The following KLHL2 variants were observed in gnomAD, a reference collection of about 807,000 sequenced individuals.
KLHL2 encodes kelch like family member 2.
KLHL2 carries 15 observed loss-of-function variants against 75.8 expected under a neutral mutation model. The observed-to-expected ratio is 0.20, with a 90% CI of 0.13 to 0.30. KLHL2 has a LOEUF of 0.30. Among genes scored for constraint, KLHL2 ranks in the 10% least tolerant of loss-of-function variants. The probability of loss-of-function intolerance (pLI) is 1.00; values close to 1 mark genes in which losing one functional copy is unlikely to be tolerated. For synonymous variants in KLHL2, 214 were observed against 251.9 expected (o/e 0.85, Z 1.42); for missense variants, 381 against 741.0 (o/e 0.51, Z 5.64).
At chr4:165,218,363 TC>T (rs1737700137) in intron 1 of KLHL2, among the ~76,000 whole-genome samples, 1 of 152,166 alleles carries the variant, frequency 6.6e-6, no homozygotes, top group Non-Finnish European at 1.5e-5. Flanking sequence ...GGGTCACAGT[TC>T]CTGGAACATA....
intron 8 of KLHL2, among the ~76,000 whole-genome samples, chr4:165,302,354 T>A (rs1001682613): frequency 5.9e-5 from 9 of 152,262 alleles, no homozygotes; most frequent in East Asian, 3.8e-4. Context: ...TTTCTTATGC[T>A]TATTATTTCA....
intron 2 of KLHL2, among the ~76,000 whole-genome samples, chr4:165,224,770 C>T (rs1465068006): frequency 6.6e-6 from 1 of 152,158 alleles, no homozygotes; most frequent in African/African-American, 2.4e-5. Flanking sequence ...TATTTTGATA[C>T]AGGTTTATAA....
chr4:165,213,933 C>T (rs944085646), intron 1 of KLHL2, among the ~76,000 whole-genome samples: 1 of 152,166 alleles, frequency 6.6e-6, no homozygotes, highest in South Asian at 2.1e-4. Context: ...CTATACAGCT[C>T]CCTGAGATAG....
intron 5 of KLHL2, among the ~76,000 whole-genome samples, chr4:165,287,722 T>C (rs1418922080): frequency 6.6e-6 from 1 of 152,172 alleles, no homozygotes; most frequent in Non-Finnish European, 1.5e-5. Flanking sequence ...TAATATCTCA[T>C]TGTGGTTTTG....
intron 3 of KLHL2, among the ~76,000 whole-genome samples, chr4:165,234,866 G>T (rs1212875751): frequency 6.6e-6 from 1 of 152,022 alleles, no homozygotes; most frequent in Non-Finnish European, 1.5e-5. Context: ...GGGTACGGTG[G>T]CTTATGCCTA....
At chr4:165,253,608 C>CA (rs1250661254) in intron 4 of KLHL2, among the ~76,000 whole-genome samples, 2 of 152,132 alleles carry the variant, frequency 1.3e-5, no homozygotes, top group Admixed American at 1.3e-4. Flanking sequence ...TAAGTTATAA[C>CA]AAATGTACAC....
chr4:165,295,438 A>G (rs1235010832), intron 6 of KLHL2, among the ~76,000 whole-genome samples: 1 of 152,192 alleles, frequency 6.6e-6, no homozygotes, highest in Non-Finnish European at 1.5e-5. Flanking sequence ...CACTTAATAG[A>G]CATGTATTGA....
At chr4:165,299,484 G>A in intron 7 of KLHL2, 23 bp from the exon 8 acceptor site, 1 of 1,587,620 alleles carries the variant, frequency 6.3e-7, no homozygotes, top group Non-Finnish European at 8.6e-7. Flanking sequence ...CCCTCAGTGG[G>A]TGTGTCTGAT....
intron 1 of KLHL2, chr4:165,208,534 GTC>G (rs1034950752): frequency 3.3e-5 from 5 of 152,108 alleles, no homozygotes; most frequent in African/African-American, 1.2e-4. Context: ...AGGCACAGGT[GTC>G]TTTTTTCTTT....
intron 6 of KLHL2, among the ~76,000 whole-genome samples, 167 bp downstream of exon 6, chr4:165,294,635 G>GA (rs1400576966): frequency 1.7e-4 from 25 of 151,228 alleles, no homozygotes; most frequent in African/African-American, 5.3e-4. Context: ...GATTCCAGGA[G>GA]AAAAAAAAGA....
intron 4 of KLHL2, among the ~76,000 whole-genome samples, chr4:165,253,909 G>T (rs1350280481): frequency 1.3e-5 from 2 of 152,182 alleles, no homozygotes. Flanking sequence ...TTACAGTTTA[G>T]CATGTTAATG....
chr4:165,281,609 C>T (rs1030643467), intron 5 of KLHL2, among the ~76,000 whole-genome samples: 1 of 152,220 alleles, frequency 6.6e-6, no homozygotes, highest in Non-Finnish European at 1.5e-5. Context: ...GCCACCGTGC[C>T]CAGCCCTGAT....
chr4:165,210,171 TTC>T, intron 1 of KLHL2: 2 of 1,551,696 alleles, frequency 1.3e-6, no homozygotes, highest in Non-Finnish European at 1.7e-6. Flanking sequence ...CGGCCCCAGA[TTC>T]TCTTTGTGTA....
chr4:165,242,597 A>G (rs777281318), intron 4 of KLHL2, among the ~76,000 whole-genome samples: 3 of 152,222 alleles, frequency 2.0e-5, no homozygotes, highest in Middle Eastern at 3.4e-3. Context: ...CCCAGGTTCA[A>G]GCAATTCTCC....
At chr4:165,252,149 T>C (rs1013400104) in intron 4 of KLHL2, among the ~76,000 whole-genome samples, 9 of 152,204 alleles carry the variant, frequency 5.9e-5, no homozygotes, top group Non-Finnish European at 4.4e-5. Flanking sequence ...TATAACAGCA[T>C]CTTTGTAATT....
chr4:165,283,339 C>T (rs1579116514), intron 5 of KLHL2, among the ~76,000 whole-genome samples: 2 of 152,336 alleles, frequency 1.3e-5, no homozygotes, highest in East Asian at 3.9e-4. Flanking sequence ...GTCCCTTTCG[C>T]CTATGAGCCT....
At chr4:165,218,046 A>G (rs112925802) in intron 1 of KLHL2, among the ~76,000 whole-genome samples, 12,921 of 152,054 alleles carry the variant, frequency 0.085, 612 homozygotes, top group Middle Eastern at 0.1. Flanking sequence ...TGTATCTTCA[A>G]AATGTCCAGA....
chr4:165,254,062 A>G (rs1372587244), intron 4 of KLHL2, among the ~76,000 whole-genome samples: 1 of 152,212 alleles, frequency 6.6e-6, no homozygotes, highest in Non-Finnish European at 1.5e-5. Context: ...TCTGTCCACT[A>G]TGTGTTAAAA....
chr4:165,313,466 A>G (rs1579187981), intron 12 of KLHL2, 100 bp downstream of exon 12: 3 of 1,086,812 alleles, frequency 2.8e-6, no homozygotes, highest in Non-Finnish European at 3.7e-6. Flanking sequence ...CTGAAAATAT[A>G]TGATATGCTG....
Sources: gnomAD v4.1 joint callset for allele counts (sites outside exome capture counted in the v4.1 genomes callset) on GRCh38, gnomAD v4.1.1 for gene constraint, MANE v1.5 for transcripts, NCBI Gene and HGNC (gene_info 2026-07-23, HGNC 2026-07-21) for gene names.